The following WWP2 variants were observed in gnomAD, a reference collection of about 807,000 sequenced individuals.
WWP2 encodes NEDD4-like E3 ubiquitin-protein ligase WWP2.
In WWP2, 57 loss-of-function variants were observed where a neutral mutation model predicts 121.0. That is an observed-to-expected ratio of 0.47 (90% CI 0.38 to 0.59). The LOEUF (loss-of-function observed/expected upper bound fraction) is 0.59, where lower values mean the gene tolerates loss of function less well. Ranked by LOEUF, WWP2 falls within the 20% of genes least tolerant of loss-of-function variation. WWP2 has a pLI of 0.00. For synonymous variants in WWP2, 449 were observed against 441.3 expected (o/e 1.02, Z -0.22); for missense variants, 962 against 1,158.9 (o/e 0.83, Z 2.47).
intron 4 of WWP2, among the ~76,000 whole-genome samples, chr16:69,818,055 G>T (rs981271856): frequency 6.6e-6 from 1 of 152,048 alleles, no homozygotes; most frequent in Non-Finnish European, 1.5e-5. Flanking sequence ...CACTGTAAGG[G>T]TGCCACATAC....
intron 9 of WWP2, among the ~76,000 whole-genome samples, chr16:69,917,198 G>A (rs537267723): frequency 6.6e-5 from 10 of 152,336 alleles, no homozygotes; most frequent in African/African-American, 2.2e-4. Context: ...GATTCCAAGC[G>A]AAGCTTGGGC....
chr16:69,782,459 A>G (rs1246660270), intron 1 of WWP2, among the ~76,000 whole-genome samples: 1 of 152,160 alleles, frequency 6.6e-6, no homozygotes, highest in Non-Finnish European at 1.5e-5. Flanking sequence ...GAGCTGAGGG[A>G]AAAAAGCAGT....
chr16:69,935,281 A>G lies in WWP2; in HGVS notation c.1843-572A>G, dbSNP rs1387504662. On this transcript the variant is annotated intron_variant, in intron 17 of 23. Transcript: ENST00000359154. This position sits in a 1 kb window ranked among gnomAD's most constrained non-coding sequence, Gnocchi z 5.2. Reference sequence around the variant, plus strand: ...ATATGGCCGGCCCTTCCCATCGTCGAGGAGTTCTTGGCCAAGGTGCTGGGC... The same window carrying G: ...ATATGGCCGGCCCTTCCCATCGTCGGGGAGTTCTTGGCCAAGGTGCTGGGC... Among the ~76,000 whole-genome samples, 1 of 152,088 alleles carries G rather than the reference A, an allele frequency of 6.6e-6. No individual in the cohort carries two copies. The highest frequency in any genetic ancestry group is 1.5e-5 in the Non-Finnish European group (1 of 68,010).
rs570638246 is a variant in WWP2 at position 69,781,029 on chromosome 16, A to G, written c.-15-5967A>G. Among the ~76,000 whole-genome samples the G allele has an allele frequency of 2.4e-4, 37 of 152,222 alleles. 1 individual carries two copies. In the East Asian group the frequency reaches 6.4e-3, roughly 26 times the overall value. On this transcript the variant is annotated intron_variant, in intron 1 of 23. Coordinates refer to ENST00000359154, the MANE Select transcript of WWP2 (RefSeq NM_001270454.2). Reference sequence around the variant, plus strand: ...GGTGACAGGGCTAGACCCTGTCTCAAAAAAACAGGTTGGTCCTGTGGTAGT... The same window carrying G: ...GGTGACAGGGCTAGACCCTGTCTCAGAAAAACAGGTTGGTCCTGTGGTAGT...
intron 4 of WWP2, among the ~76,000 whole-genome samples, chr16:69,826,605 C>T (rs1438541305): frequency 7.0e-6 from 1 of 143,136 alleles, no homozygotes; most frequent in Non-Finnish European, 1.5e-5. Flanking sequence ...TGGAGCCGGG[C>T]ACGGTGGCTA....
At chr16:69,918,187 C>T (rs537166424) in intron 10 of WWP2, among the ~76,000 whole-genome samples, 2 of 152,220 alleles carry the variant, frequency 1.3e-5, no homozygotes, top group African/African-American at 2.4e-5. Flanking sequence ...TTTTCCCTGA[C>T]TTGCACCCTG....
At chr16:69,808,451 G>C (rs1158760931) in intron 4 of WWP2, among the ~76,000 whole-genome samples, 1 of 151,780 alleles carries the variant, frequency 6.6e-6, no homozygotes, top group Non-Finnish European at 1.5e-5. Flanking sequence ...GCCCAGGCTG[G>C]GGTGCAATGG....
rs545909630 is a variant in WWP2, at chr16:69,815,902, C to T, written c.340+16607C>T. The stretch of plus-strand genomic sequence containing the variant: ...CTTTCTGAGTAGCTAAGACTACAGG[C>T]GTGTGCCACCATACCAGGCTAATTT... On this transcript the variant is annotated intron_variant, in intron 4 of 23. Coordinates refer to ENST00000359154, the MANE Select transcript of WWP2 (RefSeq NM_001270454.2). Among the ~76,000 whole-genome samples the T allele has an allele frequency of 6.4e-4, 98 of 152,002 alleles. 2 individuals carry two copies. Among genetic ancestry groups the T allele is most frequent in the African/African-American group, 2.3e-3 (94 of 41,436 alleles).
At chr16:69,900,786 A>G (rs2058191787) in intron 8 of WWP2, among the ~76,000 whole-genome samples, 1 of 152,138 alleles carries the variant, frequency 6.6e-6, no homozygotes, top group South Asian at 2.1e-4. Context: ...GGCCTCCCAA[A>G]GTGCTGGAAT....
chr16:69,805,779 C>CTT (rs77530869), intron 4 of WWP2, among the ~76,000 whole-genome samples: 7 of 130,636 alleles, frequency 5.4e-5, no homozygotes, highest in Admixed American at 7.7e-5. Context: ...AATTTTTTTT[C>CTT]TTTTTTTTTT....
At chr16:69,929,305 T>A in intron 11 of WWP2, 143 bp from the exon 12 acceptor site, 2 of 689,948 alleles carry the variant, frequency 2.9e-6, no homozygotes, top group East Asian at 5.7e-5. Context: ...GTGAGTGAGC[T>A]TGGCTTTGGC....
At chr16:69,838,183 A>G (rs2056909611) in intron 4 of WWP2, among the ~76,000 whole-genome samples, 2 of 152,194 alleles carry the variant, frequency 1.3e-5, no homozygotes, top group South Asian at 2.1e-4. Context: ...ACAGCTTATT[A>G]GGAACTCGGT....
chr16:69,779,221 G>A (rs1187984739), intron 1 of WWP2, among the ~76,000 whole-genome samples: 1 of 152,250 alleles, frequency 6.6e-6, no homozygotes, highest in African/African-American at 2.4e-5. Flanking sequence ...GAAGTGCTGG[G>A]ATTACAGGCG....
Position 69,935,052 on chromosome 16 carries a change from C to T in WWP2, c.1843-801C>T, listed in dbSNP as rs892590158. On this transcript the variant is annotated intron_variant, in intron 17 of 23. Coordinates refer to ENST00000359154, the MANE Select transcript of WWP2 (RefSeq NM_001270454.2). This position sits in a 1 kb window ranked among gnomAD's most constrained non-coding sequence, Gnocchi z 5.2. ...CAATGTGAATATGGAAAGGGAGGTC[C>T]TGCCACGTGCCCCGTTGAGGGTCCT... is the stretch of plus-strand genomic sequence containing the variant. Among the ~76,000 whole-genome samples the T allele has an allele frequency of 3.9e-5, 6 of 152,170 alleles. No individual in the cohort carries two copies. Among genetic ancestry groups the T allele is most frequent in the African/African-American group, 1.4e-4 (6 of 41,432 alleles).
chr16:69,794,393 G>A (rs1037192382), intron 2 of WWP2, among the ~76,000 whole-genome samples: 17 of 152,148 alleles, frequency 1.1e-4, no homozygotes, highest in Admixed American at 3.9e-4. Flanking sequence ...GCCAGGCATG[G>A]TGGCTCACAC....
intron 7 of WWP2, among the ~76,000 whole-genome samples, chr16:69,872,461 C>T (rs965337817): frequency 6.6e-6 from 1 of 152,172 alleles, no homozygotes. Flanking sequence ...TGTGATCGCC[C>T]GTCTTGGCCT....
At chr16:69,888,299 G>C (rs1256826307) in intron 8 of WWP2, 50 bp downstream of exon 8, 3 of 1,572,956 alleles carry the variant, frequency 1.9e-6, no homozygotes, top group Non-Finnish European at 2.6e-6. Context: ...AAAGACTGAG[G>C]CTCCTTTACG....
At chr16:69,893,136 A>G (rs954588096) in intron 8 of WWP2, among the ~76,000 whole-genome samples, 1 of 152,148 alleles carries the variant, frequency 6.6e-6, no homozygotes, top group Non-Finnish European at 1.5e-5. Context: ...ATTAATTCCT[A>G]TACATCTTCA....
At chr16:69,897,092 G>A (rs967935047) in intron 8 of WWP2, among the ~76,000 whole-genome samples, 9 of 150,444 alleles carry the variant, frequency 6.0e-5, no homozygotes, top group Non-Finnish European at 8.8e-5. Flanking sequence ...GTCTCTCCCC[G>A]TCTTTTTTTT....
Sources: gnomAD v4.1 joint callset for allele counts (sites outside exome capture counted in the v4.1 genomes callset) on GRCh38, gnomAD v4.1.1 for gene constraint, Gnocchi (gnomAD v3.1) non-coding constraint, MANE v1.5 for transcripts, NCBI Gene and HGNC (gene_info 2026-07-23, HGNC 2026-07-21) for gene names.